NEK10: variants seen among roughly 807,000 people sequenced by gnomAD.
NEK10 encodes the protein serine/threonine-protein kinase Nek10.
In NEK10, 122 loss-of-function variants were observed where a neutral mutation model predicts 159.8. The ratio of observed to expected loss-of-function variants is 0.76; its 90% CI spans 0.66 to 0.89. NEK10 has a LOEUF of 0.89. NEK10 is among the 40% of genes least tolerant of loss of function. NEK10 has a pLI of 0.00. For missense variants in NEK10, 1,342 were observed against 1,323.1 expected (o/e 1.01, Z -0.22); for synonymous variants, 466 against 457.1 (o/e 1.02, Z -0.25).
At chr3:27,314,001 C>T (rs183352360) in intron 7 of NEK10, among the ~76,000 whole-genome samples, 47 of 152,230 alleles carry the variant, frequency 3.1e-4, no homozygotes, top group Non-Finnish European at 5.0e-4. Context: ...TGTGAGCCAC[C>T]GCACCTGGCT....
chr3:27,232,268 A>T (rs1953377051), intron 23 of NEK10, among the ~76,000 whole-genome samples: 1 of 151,956 alleles, frequency 6.6e-6, no homozygotes, highest in Non-Finnish European at 1.5e-5. Context: ...ACACACCAAG[A>T]ATGACCAAGC....
At chr3:27,135,628 T>C (rs1186731862) in intron 31 of NEK10, among the ~76,000 whole-genome samples, 1 of 152,226 alleles carries the variant, frequency 6.6e-6, no homozygotes. Context: ...AGGACTCCAT[T>C]TGATAAAAAG....
At chr3:27,161,720 A>G (rs1484666684) in intron 30 of NEK10, among the ~76,000 whole-genome samples, 1 of 152,234 alleles carries the variant, frequency 6.6e-6, no homozygotes, top group Non-Finnish European at 1.5e-5. Flanking sequence ...TTTATGTTTA[A>G]GGATCTATAA....
chr3:27,176,346 T>C (rs777202878), intron 26 of NEK10, among the ~76,000 whole-genome samples: 68 of 152,338 alleles, frequency 4.5e-4, no homozygotes, highest in Non-Finnish European at 8.2e-4. Flanking sequence ...TTTATGACTC[T>C]GAGTTGTTAA....
intron 20 of NEK10, among the ~76,000 whole-genome samples, chr3:27,287,051 G>A (rs1403453815): frequency 3.3e-5 from 5 of 150,568 alleles, no homozygotes; most frequent in African/African-American, 2.5e-5. Flanking sequence ...CATTCTTCAA[G>A]TGGAGATTTA....
intron 23 of NEK10, chr3:27,252,751 G>C (rs1207397056): frequency 2.7e-6 from 1 of 370,318 alleles, no homozygotes; most frequent in African/African-American, 2.1e-5. Flanking sequence ...CAGGCAAAGG[G>C]AGCTGCATGT....
At chr3:27,204,607 A>G (rs1162046081) in intron 23 of NEK10, among the ~76,000 whole-genome samples, 4 of 117,798 alleles carry the variant, frequency 3.4e-5, no homozygotes, top group Non-Finnish European at 7.0e-5. Context: ...ATGATTTCCA[A>G]TTTCATCCAT....
At position 27,321,156 on chromosome 3, in the gene NEK10, T is replaced by C. The variant is rs2045595867; in HGVS notation, c.447+1021A>G. On this transcript the variant is annotated intron_variant, in intron 6 of 35. Transcript: ENST00000691995. ...GAGGGCAGGGCATAAAAGGAGACAC[T>C]TTTTCAGTTAAAAAAAAAAAAGTGT... 3.2e-5 allele frequency among the ~76,000 whole-genome samples: 4 copies of C among 126,090 alleles called. No homozygotes were observed. In the South Asian group the frequency reaches 8.7e-4, roughly 28 times the overall value. The allele number at this position is 126,090 out of a possible 152,430, so 82.7% of individuals were successfully genotyped here.
intron 23 of NEK10, among the ~76,000 whole-genome samples, chr3:27,254,035 A>G (rs949728377): frequency 7.9e-5 from 12 of 152,060 alleles, no homozygotes; most frequent in African/African-American, 2.9e-4. Flanking sequence ...CCCCCTTGTG[A>G]TTGGAAAAAA....
chr3:27,116,996 G>A (rs1337940716), intron 33 of NEK10, among the ~76,000 whole-genome samples: 1 of 151,936 alleles, frequency 6.6e-6, no homozygotes, highest in Admixed American at 6.6e-5. Context: ...CACCCCAACA[G>A]GCCCCAGTGT....
intron 6 of NEK10, among the ~76,000 whole-genome samples, chr3:27,321,490 G>C (rs986378180): frequency 1.3e-4 from 20 of 152,248 alleles, no homozygotes; most frequent in African/African-American, 4.8e-4. Flanking sequence ...GGCCAACATG[G>C]TGAAACCCCA....
chr3:27,229,940 C>A (rs367892265), intron 23 of NEK10, among the ~76,000 whole-genome samples: 1 of 151,928 alleles, frequency 6.6e-6, no homozygotes, highest in Non-Finnish European at 1.5e-5. Flanking sequence ...GTTTGGAAAA[C>A]TTATTTTAGG....
At chr3:27,185,893 T>G (rs1241569394) in intron 26 of NEK10, among the ~76,000 whole-genome samples, 1 of 152,178 alleles carries the variant, frequency 6.6e-6, no homozygotes, top group Non-Finnish European at 1.5e-5. Flanking sequence ...TAATGCAAGA[T>G]ACTGAGAATG....
intron 22 of NEK10, among the ~76,000 whole-genome samples, chr3:27,269,480 T>C (rs191217083): frequency 7.2e-5 from 11 of 152,282 alleles, no homozygotes; most frequent in Admixed American, 2.0e-4. Flanking sequence ...AGCAAAAAGA[T>C]TATGACTTGC....
In NEK10 at chr3:27,109,453, C is replaced by T. The variant is rs1368661685; in HGVS notation, c.*1819G>A. Among the ~76,000 whole-genome samples, 2 of 149,572 alleles carry T rather than the reference C, an allele frequency of 1.3e-5. No homozygotes were observed. The highest frequency in any genetic ancestry group is 3.0e-5 in the Non-Finnish European group (2 of 67,406). ...TCTGGTCAATAAGGCCAACTATATACACTTTAAAACATCTTCAAGTAAACC... is the reference window on the plus strand; with the variant it reads ...TCTGGTCAATAAGGCCAACTATATATACTTTAAAACATCTTCAAGTAAACC... On this transcript the variant is annotated 3_prime_UTR_variant, in exon 36 of 36. Coordinates refer to ENST00000691995, the MANE Select transcript of NEK10 (RefSeq NM_001394966.1).
chr3:27,165,246 C>A (rs186798336), intron 29 of NEK10, among the ~76,000 whole-genome samples: 1 of 152,044 alleles, frequency 6.6e-6, no homozygotes, highest in Admixed American at 6.6e-5. Flanking sequence ...TATCACTAAC[C>A]GCAAGAAAAT....
rs763308224 is a variant in NEK10, at chr3:27,201,623, C to A, written c.2221-43G>T. On this transcript the variant is annotated intron_variant, in intron 24 of 35. Transcript: ENST00000691995. ...TAGAGTGATGGAAGTAAAGGGGCCACGGATGTCTTTGAATAGTTAATACTT... is the reference window on the plus strand; with the variant it reads ...TAGAGTGATGGAAGTAAAGGGGCCAAGGATGTCTTTGAATAGTTAATACTT... 2.7e-6 allele frequency: 4 copies of A among 1,461,466 alleles called. No homozygotes were observed. In the East Asian group the frequency reaches 9.0e-5, roughly 33 times the overall value. 90.5% of individuals were successfully genotyped at this position (1,461,466 alleles called of 1,614,324 possible).
At chr3:27,183,216 C>T (rs1948298256) in intron 26 of NEK10, among the ~76,000 whole-genome samples, 1 of 149,216 alleles carries the variant, frequency 6.7e-6, no homozygotes, top group African/African-American at 2.5e-5. Context: ...ATTATGTACT[C>T]AAAATAATTA....
At chr3:27,309,226 C>T (rs1365711262) in intron 9 of NEK10, 2 of 273,358 alleles carry the variant, frequency 7.3e-6, no homozygotes, top group Non-Finnish European at 1.4e-5. Flanking sequence ...AAGCTGCTCT[C>T]TCTTATGTTT....
Sources: gnomAD v4.1 joint callset for allele counts (sites outside exome capture counted in the v4.1 genomes callset) on GRCh38, gnomAD v4.1.1 for gene constraint, MANE v1.5 for transcripts, NCBI Gene and HGNC (gene_info 2026-07-23, HGNC 2026-07-21) for gene names.